Variants in IL17RC observed in about 807,000 individuals in gnomAD.
IL17RC encodes interleukin-17 receptor C.
IL17RC carries 53 observed loss-of-function variants against 86.7 expected under a neutral mutation model. The observed-to-expected ratio is 0.61, with a 90% CI of 0.49 to 0.77. The LOEUF is 0.77. IL17RC is among the 30% of genes least tolerant of loss of function. IL17RC has a pLI of 0.00. For synonymous variants in IL17RC, 439 were observed against 413.1 expected, an observed-to-expected ratio of 1.06 and a Z score of -0.76; for missense variants, 957 against 940.0, an observed-to-expected ratio of 1.02 and a Z score of -0.24.
chr3:9,923,353 A>G (rs1386716604), intron 7 of IL17RC, among the ~76,000 whole-genome samples: 1 of 151,864 alleles, frequency 6.6e-6, no homozygotes, highest in African/African-American at 2.4e-5. Context: ...GGAGCTCAAG[A>G]CCAGCCTGGC....
rs748596139 is a variant in IL17RC at position 9,930,435 on chromosome 3, C to A, written c.1314C>A (p.Asp438Glu). ...AARLGEYLLQ[D>E]LQSGQCLQLW... is the part of the protein sequence containing the mutation. ...GCCTTGGAGAGTACTTACTACAAGA[C>A]CTGCAGTCAGGCCAGTGTCTGCAGG... The change falls in exon 15 of 19, where the codon GAC becomes GAA. Residue 438 changes from aspartate to glutamate, a missense_variant. Physicochemically the swap from Asp to Glu is conservative, Grantham distance 45. Transcript: ENST00000403601. This position sits in a 1 kb window ranked among gnomAD's most constrained non-coding sequence, Gnocchi z 5.8. 1 of 1,614,056 alleles carries A rather than the reference C, an allele frequency of 6.2e-7. No individual in the cohort carries two copies.
chr3:9,931,678 T>C (rs2125296098), intron 16 of IL17RC, among the ~76,000 whole-genome samples: 1 of 151,662 alleles, frequency 6.6e-6, no homozygotes, highest in Middle Eastern at 3.4e-3. Flanking sequence ...TGCTAATTTT[T>C]GTATTTTTAG....
rs368781327 is a variant in IL17RC, at chr3:9,920,611, A to G, written c.577+9A>G. 11 of 1,567,336 alleles carry G rather than the reference A, an allele frequency of 7.0e-6. No homozygotes were observed. The South Asian group carries it at 1.0e-4, about 15-fold the overall frequency. ...CACACAGCAGCTGCCTGGTAAGTGG[A>G]CCCCCAAGTCCTGGCCCCCTAGCCT... On this transcript the variant is annotated intron_variant, in intron 6 of 18. Transcript: ENST00000403601.
chr3:9,924,204 C>T (rs200581634), intron 8 of IL17RC, 28 bp from the exon 9 acceptor site: 2 of 1,613,764 alleles, frequency 1.2e-6, no homozygotes, highest in East Asian at 2.2e-5. Context: ...TTATCTTCTC[C>T]AACCTCCTTC....
At position 9,933,564 on chromosome 3, in the gene IL17RC, G is replaced by A. The variant is rs1198173192; in HGVS notation, c.2134G>A (p.Ala712Thr). The A allele has an allele frequency of 6.2e-7, 1 of 1,603,238 alleles. No individual in the cohort carries two copies. Among genetic ancestry groups the A allele is most frequent in the Non-Finnish European group, 8.5e-7 (1 of 1,175,256 alleles). ...PAPGRGVGPG[A>T]GPGAGDGT ...GCCGGGACGCGGGGTGGGACCAGGC[G>A]CGGGACCTGGGGCGGGGGACGGGAC... Residue 712 changes from alanine to threonine, a missense_variant, in exon 19 of 19, where the codon GCG becomes ACG. Coordinates refer to ENST00000403601, the MANE Select transcript of IL17RC (RefSeq NM_153460.4).
rs1407558240 is a variant in IL17RC at position 9,933,054 on chromosome 3, C to G, written c.1624C>G (p.Leu542Val). ...ALASALCQLP[L>V]RVAVDLWSRR... is the part of the protein sequence containing the mutation. Reference sequence around the variant, plus strand: ...GGCGTCGGCCCTGTGCCAGCTGCCGCTGCGCGTGGCCGTAGACCTGTGGAG... The same window carrying G: ...GGCGTCGGCCCTGTGCCAGCTGCCGGTGCGCGTGGCCGTAGACCTGTGGAG... The change falls in exon 19 of 19, where the codon CTG becomes GTG. Residue 542 changes from leucine (L) to valine (V), a missense_variant. Physicochemically the swap from Leu to Val is conservative, Grantham distance 32 (BLOSUM62 1). Coordinates refer to ENST00000403601, the MANE Select transcript of IL17RC (RefSeq NM_153460.4). 6.5e-7 allele frequency: 1 copy of G among 1,546,620 alleles called. No individual in the cohort carries two copies. The highest frequency in any genetic ancestry group is 1.4e-5 in the African/African-American group (1 of 72,754).
chr3:9,933,454 G>T lies in IL17RC; in HGVS notation c.2024G>T (p.Gly675Val). Residue 675 changes from glycine to valine, a missense_variant, in exon 19 of 19, where the codon GGG becomes GTG. Physicochemically the swap from Gly to Val is moderately radical, Grantham distance 109. Coordinates refer to ENST00000403601, the MANE Select transcript of IL17RC (RefSeq NM_153460.4). ...CAGCAGCCTCGCGCCCCGCGTTCCG[G>T]GCGGCTCCAAGAGAGAGCGGAGCAA... Reference protein sequence around the residue: ...ALQQPRAPRSGRLQERAEQVS... With the variant: ...ALQQPRAPRSVRLQERAEQVS... The T allele has an allele frequency of 6.2e-7, 1 of 1,613,084 alleles. No homozygotes were observed. Among genetic ancestry groups the T allele is most frequent in the Non-Finnish European group, 8.5e-7 (1 of 1,179,818 alleles).
At chr3:9,922,803 G>A (rs2083691878) in intron 7 of IL17RC, among the ~76,000 whole-genome samples, 1 of 152,092 alleles carries the variant, frequency 6.6e-6, no homozygotes, top group Admixed American at 6.6e-5. Context: ...AGGTGAGGGA[G>A]GAGCCATATA....
At position 9,930,666 on chromosome 3, in the gene IL17RC, G is replaced by A. The variant is rs1291816359; in HGVS notation, c.1338+207G>A. ...CACACCTACAGGTGCTAAGTTTTGGGTTCCAGGGAGAGCTTCCGGGAAGAA... is the reference window on the plus strand; with the variant it reads ...CACACCTACAGGTGCTAAGTTTTGGATTCCAGGGAGAGCTTCCGGGAAGAA... On this transcript the variant is annotated intron_variant, in intron 15 of 18. Coordinates refer to ENST00000403601, the MANE Select transcript of IL17RC (RefSeq NM_153460.4). This position sits in a 1 kb window ranked among gnomAD's most constrained non-coding sequence, Gnocchi z 5.8. 1 of 677,182 alleles carries A rather than the reference G, an allele frequency of 1.5e-6. No individual in the cohort carries two copies. Among genetic ancestry groups the A allele is most frequent in the Non-Finnish European group, 2.6e-6 (1 of 391,048 alleles). The allele number at this position is 677,182 out of a possible 1,614,324, so 41.9% of individuals were successfully genotyped here.
At chr3:9,932,257 C>T (rs1359680651) in intron 16 of IL17RC, among the ~76,000 whole-genome samples, 1 of 152,182 alleles carries the variant, frequency 6.6e-6, no homozygotes, top group Non-Finnish European at 1.5e-5. Flanking sequence ...AGAGGAGTCT[C>T]ACCCTGTCGC....
rs375887120 is a variant in IL17RC at position 9,928,450 on chromosome 3, G to A, written c.1023G>A (p.Leu341=). Residue 341 remains leucine (L), a synonymous_variant, in exon 11 of 19, where the codon CTG becomes CTA. Coordinates refer to ENST00000403601, the MANE Select transcript of IL17RC (RefSeq NM_153460.4). ...CGGGTGGGGACCCCTGCCAGCCACT[G>A]GTCCCACCGCTTTCCTGGGAGAACG... ...RAPGGDPCQP[L]VPPLSWENVT... 1.9e-6 allele frequency: 3 copies of A among 1,609,326 alleles called. No homozygotes were observed. The highest frequency in any genetic ancestry group is 2.5e-6 in the Non-Finnish European group (3 of 1,179,640).
intron 5 of IL17RC, among the ~76,000 whole-genome samples, chr3:9,919,304 A>C (rs1485197498): frequency 6.6e-6 from 1 of 151,670 alleles, no homozygotes; most frequent in African/African-American, 2.4e-5. Flanking sequence ...AATATCTCTT[A>C]AAGTTTTTTT....
intron 9 of IL17RC, 77 bp from the exon 10 acceptor site, chr3:9,928,089 T>G (rs2084263120): frequency 1.5e-6 from 2 of 1,359,346 alleles, no homozygotes. Flanking sequence ...GCTGAATGAG[T>G]GCATCCCCAC....
intron 9 of IL17RC, among the ~76,000 whole-genome samples, chr3:9,924,617 G>A (rs189146440): frequency 4.3e-4 from 65 of 152,286 alleles, no homozygotes; most frequent in Non-Finnish European, 7.2e-4. Flanking sequence ...CTACGAACTT[G>A]GACTGGTTTG....
intron 9 of IL17RC, among the ~76,000 whole-genome samples, chr3:9,925,099 C>A (rs962805658): frequency 6.8e-6 from 1 of 147,260 alleles, no homozygotes; most frequent in African/African-American, 2.5e-5. Context: ...GCCACTGTGG[C>A]TTGCCCTGAT....
At chr3:9,920,997 G>A (rs746424894) in intron 7 of IL17RC, 28 bp downstream of exon 7, 3 of 1,424,128 alleles carry the variant, frequency 2.1e-6, no homozygotes, top group Non-Finnish European at 1.9e-6. Context: ...TGGGCCGGGG[G>A]TAGGGAGGGG....
At position 9,920,600 on chromosome 3, in the gene IL17RC, C is replaced by G; in HGVS notation, c.575C>G (p.Pro192Arg). The G allele has an allele frequency of 6.3e-7, 1 of 1,593,570 alleles. No individual in the cohort carries two copies. Among genetic ancestry groups the G allele is most frequent in the Non-Finnish European group, 8.6e-7 (1 of 1,166,376 alleles). ...GAACTCAACCACACACAGCAGCTGC[C>G]TGGTAAGTGGACCCCCAAGTCCTGG... ...EKELNHTQQL[P>R]DCRGLEVWNS... Residue 192 changes from proline to arginine, a missense_variant and splice_region_variant, in exon 6 of 19, where the codon CCT becomes CGT. Transcript: ENST00000403601.
In IL17RC at chr3:9,930,093, T is replaced by A; in HGVS notation, c.1222T>A (p.Ser408Thr). 6.2e-7 allele frequency: 1 copy of A among 1,614,038 alleles called. No individual in the cohort carries two copies. Among genetic ancestry groups the A allele is most frequent in the Non-Finnish European group, 8.5e-7 (1 of 1,179,988 alleles). Residue 408 changes from serine (S) to threonine (T), a missense_variant, in exon 14 of 19, where the codon TCC (serine) becomes ACC (threonine). By Grantham distance (58) the Ser-to-Thr change is moderately conservative. Coordinates refer to ENST00000403601, the MANE Select transcript of IL17RC (RefSeq NM_153460.4). The surrounding 1 kb of genome is among the most constrained non-coding windows in gnomAD (Gnocchi z 5.8). ...LETRGPQDNR[S>T]LCALEPSGCT... ...GACACGAGGCCCCCAGGACAACAGA[T>A]CCCTCTGTGCCTTGGAACCCAGTGG... is the stretch of plus-strand genomic sequence containing the variant.
rs771035296 is a variant in IL17RC at position 9,933,487 on chromosome 3, G to C, written c.2057G>C (p.Arg686Pro). Residue 686 changes from arginine to proline, a missense_variant, in exon 19 of 19, where the codon CGG becomes CCG. Transcript: ENST00000403601. ...CAAGAGAGAGCGGAGCAAGTGTCCC[G>C]GGCCCTTCAGCCAGCCCTGGATAGC... ...RLQERAEQVS[R>P]ALQPALDSYF... The C allele has an allele frequency of 1.2e-6, 2 of 1,611,840 alleles. No homozygotes were observed. The highest frequency in any genetic ancestry group is 1.7e-6 in the Non-Finnish European group (2 of 1,179,500).
Sources: allele counts gnomAD v4.1 joint callset (sites outside exome capture counted in the v4.1 genomes callset), GRCh38; gene constraint gnomAD v4.1.1; non-coding constraint Gnocchi (gnomAD v3.1); transcripts MANE v1.5; gene names NCBI Gene and HGNC (gene_info 2026-07-23, HGNC 2026-07-21).